USP35: variants seen among roughly 807,000 people sequenced by gnomAD.
USP35 encodes the protein ubiquitin specific peptidase 35, also known as ubiquitin carboxyl-terminal hydrolase 35.
Under a neutral mutation model 83.8 loss-of-function variants are expected in USP35, and 69 were observed. That is an observed-to-expected ratio of 0.82 (90% CI 0.68 to 1.01). The LOEUF is 1.01. Ranked by LOEUF, USP35 falls within the 50% of genes least tolerant of loss-of-function variation. The probability of loss-of-function intolerance (pLI) is 0.00; values close to 1 mark genes in which losing one functional copy is unlikely to be tolerated. For synonymous variants in USP35, 714 were observed against 589.5 expected (o/e 1.21, Z -3.06); for missense variants, 1,503 against 1,362.5 (o/e 1.10, Z -1.62).
chr11:78,196,141 G>T lies in USP35; in HGVS notation c.-10-95G>T. ...GAAAACTGAGGCCCAGAAAGTTTGA[G>T]TTGCTTGCCCTAAGTCTCAGCACTC... is the stretch of plus-strand genomic sequence containing the variant. On this transcript the variant is annotated intron_variant, in intron 1 of 10. Transcript: ENST00000529308. The surrounding 1 kb of genome is among the most constrained non-coding windows in gnomAD (Gnocchi z 4.8). The T allele has an allele frequency of 6.9e-7, 1 of 1,443,166 alleles. No individual in the cohort carries two copies. Among genetic ancestry groups the T allele is most frequent in the Non-Finnish European group, 9.0e-7 (1 of 1,105,244 alleles). 89.4% of individuals were successfully genotyped at this position (1,443,166 alleles called of 1,614,324 possible). A position where few individuals can be genotyped will look rare whatever the true frequency, so the allele number is the denominator to read the frequency against.
At chr11:78,232,188 G>C in the USP35 span, among the ~76,000 whole-genome samples, 1 of 152,254 alleles carries the variant, frequency 6.6e-6, no homozygotes, top group African/African-American at 2.4e-5. Flanking sequence ...ATTAATGATG[G>C]GTAAGCTCTC....
At chr11:78,200,292 G>A (rs2101309) in intron 5 of USP35, 58 bp downstream of exon 5, 4 of 1,552,326 alleles carry the variant, frequency 2.6e-6, no homozygotes, top group East Asian at 2.2e-5. Context: ...CCTGGTAAGG[G>A]CCCTGCCTAC....
At chr11:78,219,137 G>T, downstream of USP35, 1 of 821,508 alleles carries the variant, frequency 1.2e-6, no homozygotes, top group Non-Finnish European at 1.9e-6. Flanking sequence ...GGTCCCTGAT[G>T]TCAAGTGCTT....
rs1863275870 is a variant in USP35, at chr11:78,199,669, C to T, written c.881C>T (p.Ala294Val). 3 of 1,614,106 alleles carry T rather than the reference C, an allele frequency of 1.9e-6. No homozygotes were observed. Among genetic ancestry groups the T allele is most frequent in the Admixed American group, 1.7e-5 (1 of 60,016 alleles). ...ATCATTGCACTGCTGAAGGGCCTGG[C>T]TGCTGTTAAGAAGTTCAGCATCTTG... ...KWIIALLKGL[A>V]AVKKFSILIE... Residue 294 changes from alanine (A) to valine (V), a missense_variant, in exon 4 of 11, where the codon GCT becomes GTT. Physicochemically the swap from Ala to Val is moderately conservative, Grantham distance 64. Transcript: ENST00000529308.
chr11:78,213,562 T>TTG, intron 10 of USP35, 84 bp from the exon 11 acceptor site: 2 of 1,385,332 alleles, frequency 1.4e-6, no homozygotes, highest in Non-Finnish European at 1.9e-6. Context: ...AGAGGAAACA[T>TTG]TGAAAGGTGT....
chr11:78,200,190 T>G lies in USP35; in HGVS notation c.994T>G (p.Tyr332Asp). ...VRGAALSVLK[Y>D]MLLTFQHSHE... ...GGGAGCTGCCTTGTCTGTGCTCAAG[T>G]ACATGCTCCTGACCTTCCAGCACTC... The change falls in exon 5 of 11, where the codon TAC (tyrosine) becomes GAC (aspartate). Residue 332 changes from tyrosine (Y) to aspartate (D), a missense_variant. Transcript: ENST00000529308. 6.2e-7 allele frequency: 1 copy of G among 1,614,176 alleles called. No homozygotes were observed.
intron 6 of USP35, among the ~76,000 whole-genome samples, chr11:78,203,426 T>C (rs1257804739): frequency 1.3e-5 from 2 of 152,106 alleles, no homozygotes; most frequent in African/African-American, 4.8e-5. Flanking sequence ...AGATCTGGGC[T>C]TCTCGAACGT....
rs1863915596 is a variant in USP35, at chr11:78,213,722, TTGATGAAGACAA to T, written c.2967_2978del (p.Phe989_Lys993delinsLeu). ...ACATCTCCGCACTGGGGGAGGGGCTTTGATGAAGACAAGGATGAGGATGAAGGCTCTCCAGGG... is the reference window on the plus strand; with the variant it reads ...ACATCTCCGCACTGGGGGAGGGGCTTGGATGAGGATGAAGGCTCTCCAGGG... On this transcript the variant is annotated inframe_deletion, in exon 11 of 11. Coordinates refer to ENST00000529308, the MANE Select transcript of USP35 (RefSeq NM_020798.4). The T allele has an allele frequency of 6.5e-6, 10 of 1,534,138 alleles. No homozygotes were observed. The highest frequency in any genetic ancestry group is 8.7e-6 in the Non-Finnish European group (10 of 1,150,966).
At chr11:78,204,098 G>A (rs1863458059) in intron 6 of USP35, among the ~76,000 whole-genome samples, 3 of 151,610 alleles carry the variant, frequency 2.0e-5, no homozygotes, top group Non-Finnish European at 2.9e-5. Context: ...CACCGTTTTA[G>A]CCGGGATGGT....
rs764520707 is a variant in USP35 at position 78,213,672 on chromosome 11, G to C, written c.2916G>C (p.Arg972Ser). 1 of 1,506,764 alleles carries C rather than the reference G, an allele frequency of 6.6e-7. No homozygotes were observed. Among genetic ancestry groups the C allele is most frequent in the South Asian group, 1.3e-5 (1 of 74,584 alleles). 93.3% of individuals were successfully genotyped at this position (1,506,764 alleles called of 1,614,324 possible). ...LQEQEKEARS[R>S]AAYISALPTS... ...AGCAGGAGAAGGAGGCCCGGAGCAG[G>C]GCGGCCTACATCTCTGCACTCCCCA... Residue 972 changes from arginine to serine, a missense_variant, in exon 11 of 11, where the codon AGG becomes AGC. Physicochemically the swap from Arg to Ser is moderately radical, Grantham distance 110 (BLOSUM62 -1). Coordinates refer to ENST00000529308, the MANE Select transcript of USP35 (RefSeq NM_020798.4).
At chr11:78,202,595 T>C (rs1316283325) in intron 6 of USP35, among the ~76,000 whole-genome samples, 1 of 152,076 alleles carries the variant, frequency 6.6e-6, no homozygotes, top group South Asian at 2.1e-4. Context: ...CAATCCTGCA[T>C]GAATGACAGT....
At chr11:78,208,341 C>T (rs1863600741) in intron 8 of USP35, among the ~76,000 whole-genome samples, 1 of 152,166 alleles carries the variant, frequency 6.6e-6, no homozygotes, top group Middle Eastern at 3.2e-3. Context: ...GGCCAGGCAG[C>T]CTGAGAGCTG....
chr11:78,192,653 G>C (rs1335397088), intron 1 of USP35, among the ~76,000 whole-genome samples: 2 of 152,250 alleles, frequency 1.3e-5, no homozygotes, highest in Non-Finnish European at 2.9e-5. Flanking sequence ...TGGCCTTGGA[G>C]ATCAGAGCTC....
rs1863155231 is a variant in USP35, at chr11:78,196,638, C to T, written c.393C>T (p.Thr131=). ...TGCTGCGGCGCGAGGTGCTGCGCAC[C>T]GTGTGCGAGCGCCCGGGCCCCGCGG... ...FALLRREVLR[T]VCERPGPAAC... is the part of the protein sequence containing the mutation. The change falls in exon 2 of 11, where the codon ACC becomes ACT. Residue 131 remains threonine (T), a synonymous_variant. Transcript: ENST00000529308. The surrounding 1 kb of genome is among the most constrained non-coding windows in gnomAD (Gnocchi z 4.8). 29 of 1,364,860 alleles carry T rather than the reference C, an allele frequency of 2.1e-5. No individual in the cohort carries two copies. The highest frequency in any genetic ancestry group is 2.7e-5 in the Non-Finnish European group (29 of 1,067,334). The allele number at this position is 1,364,860 out of a possible 1,614,324, so 84.5% of individuals were successfully genotyped here.
chr11:78,233,507 G>C, the USP35 span, among the ~76,000 whole-genome samples: 1 of 152,050 alleles, frequency 6.6e-6, no homozygotes, highest in African/African-American at 2.4e-5. Context: ...AAAAATATTG[G>C]ATTGCTCTCT....
chr11:78,223,396 G>A, the USP35 span: 1 of 1,505,470 alleles, frequency 6.6e-7, no homozygotes, highest in Non-Finnish European at 8.9e-7. Flanking sequence ...TGGGACAGGG[G>A]AAAGAATGGA....
rs755257498 is a variant in USP35 at position 78,213,754 on chromosome 11, C to G, written c.2998C>G (p.Pro1000Ala). ...DEDKDEDEGS[P>A]GGCNPAGGNG... is the part of the protein sequence containing the mutation. ...AGACAAGGATGAGGATGAAGGCTCT[C>G]CAGGGGGCTGCAATCCTGCAGGTGG... The change falls in exon 11 of 11, where the codon CCA (proline) becomes GCA (alanine). Residue 1000 changes from proline (P) to alanine (A), a missense_variant. By Grantham distance (27) the Pro-to-Ala change is conservative. Transcript: ENST00000529308. 1 of 1,543,982 alleles carries G rather than the reference C, an allele frequency of 6.5e-7. No homozygotes were observed. The highest frequency in any genetic ancestry group is 8.7e-7 in the Non-Finnish European group (1 of 1,154,326).
At chr11:78,190,062 T>G (rs763163652) in intron 1 of USP35, among the ~76,000 whole-genome samples, 1 of 151,988 alleles carries the variant, frequency 6.6e-6, no homozygotes, top group Admixed American at 6.6e-5. Flanking sequence ...GGAGGCTGGC[T>G]TCGAGGGTCA....
the USP35 span, among the ~76,000 whole-genome samples, chr11:78,235,314 G>C: frequency 2.0e-5 from 3 of 151,740 alleles, no homozygotes; most frequent in African/African-American, 7.3e-5. Context: ...CACCATGCCG[G>C]GCTAATTTTT....
Sources: allele counts gnomAD v4.1 joint callset (sites outside exome capture counted in the v4.1 genomes callset), GRCh38; gene constraint gnomAD v4.1.1; non-coding constraint Gnocchi (gnomAD v3.1); transcripts MANE v1.5; gene names NCBI Gene and HGNC (gene_info 2026-07-23, HGNC 2026-07-21).